The following NEMP1 variants were observed in gnomAD, a reference collection of about 807,000 sequenced individuals.
NEMP1 encodes transmembrane protein 194.
NEMP1 carries 29 observed loss-of-function variants against 53.7 expected under a neutral mutation model. The observed-to-expected ratio is 0.54, with a 90% CI of 0.40 to 0.74. The LOEUF is 0.74. Ranked by LOEUF, NEMP1 falls within the 30% of genes least tolerant of loss-of-function variation. The pLI is 0.00. For synonymous variants in NEMP1, 193 were observed against 192.9 expected (o/e 1.00, Z 0.00); for missense variants, 477 against 528.6 (o/e 0.90, Z 0.96).
At chr12:57,063,079 A>G (rs1432176025) in intron 7 of NEMP1, 40 bp downstream of exon 7, 1 of 1,515,776 alleles carries the variant, frequency 6.6e-7, no homozygotes, top group Non-Finnish European at 9.2e-7. Context: ...GCATCCCACA[A>G]TGTACCTGTC....
chr12:57,071,166 T>C (rs2032328059), intron 2 of NEMP1, among the ~76,000 whole-genome samples: 1 of 152,140 alleles, frequency 6.6e-6, no homozygotes, highest in Non-Finnish European at 1.5e-5. Context: ...AAAAAAGACT[T>C]CCAAACTGAA....
upstream of NEMP1, among the ~76,000 whole-genome samples, chr12:57,081,821 G>A (rs1407476231): frequency 1.3e-5 from 2 of 148,738 alleles, no homozygotes; most frequent in Admixed American, 6.7e-5. Context: ...GCAGGAGAGT[G>A]GTGTGAACCT....
intron 7 of NEMP1, among the ~76,000 whole-genome samples, chr12:57,061,642 G>A (rs561338210): frequency 2.8e-5 from 4 of 140,552 alleles, no homozygotes; most frequent in East Asian, 4.4e-4. Context: ...GCAGTGAGCC[G>A]AGATCATGCC....
chr12:57,066,561 A>C (rs1028801454), intron 4 of NEMP1, among the ~76,000 whole-genome samples: 1 of 152,214 alleles, frequency 6.6e-6, no homozygotes, highest in Non-Finnish European at 1.5e-5. Flanking sequence ...AGGGTTATTA[A>C]TTGGCCTAGT....
chr12:57,076,922 C>A lies in NEMP1; in HGVS notation c.127+1697G>T, dbSNP rs919622854. On this transcript the variant is annotated intron_variant, in intron 1 of 8. Coordinates refer to ENST00000300128, the MANE Select transcript of NEMP1 (RefSeq NM_001130963.2). ...CGAGATTGCACCACTGCACTCCAGCCTGGGCCAGACAGCAAGACTACATTC... is the reference window on the plus strand; with the variant it reads ...CGAGATTGCACCACTGCACTCCAGCATGGGCCAGACAGCAAGACTACATTC... 2.9e-4 allele frequency among the ~76,000 whole-genome samples: 34 copies of A among 118,704 alleles called. 1 individual carries two copies. In the South Asian group the frequency reaches 5.0e-3, roughly 17 times the overall value. The allele number at this position is 118,704 out of a possible 152,430, so 77.9% of individuals were successfully genotyped here. A position where few individuals can be genotyped will look rare whatever the true frequency, so the allele number is the denominator to read the frequency against.
intron 4 of NEMP1, 106 bp from the exon 5 acceptor site, chr12:57,064,845 T>C: frequency 2.5e-6 from 2 of 804,230 alleles, no homozygotes; most frequent in Non-Finnish European, 4.0e-6. Flanking sequence ...AGGTACAAGA[T>C]TAGAGCAGTA....
chr12:57,064,996 T>C (rs2032004771), intron 4 of NEMP1, among the ~76,000 whole-genome samples: 1 of 152,222 alleles, frequency 6.6e-6, no homozygotes, highest in Non-Finnish European at 1.5e-5. Context: ...GTATATTAAG[T>C]GTACAACAGC....
chr12:57,072,946 T>C, intron 1 of NEMP1, 34 bp from the exon 2 acceptor site: 1 of 1,579,910 alleles, frequency 6.3e-7, no homozygotes, highest in South Asian at 1.2e-5. Context: ...GAATTAAACA[T>C]AACAAGCTAA....
At chr12:57,062,122 T>C (rs546978267) in intron 7 of NEMP1, among the ~76,000 whole-genome samples, 2 of 152,270 alleles carry the variant, frequency 1.3e-5, no homozygotes, top group East Asian at 3.9e-4. Flanking sequence ...TGACAAAACA[T>C]GCTATGAATT....
At chr12:57,083,485 A>C (rs1254980257), upstream of NEMP1, among the ~76,000 whole-genome samples, 2 of 152,232 alleles carry the variant, frequency 1.3e-5, no homozygotes, top group Non-Finnish European at 2.9e-5. Flanking sequence ...CTGATGAGTA[A>C]ATGGGGTGGG....
upstream of NEMP1, among the ~76,000 whole-genome samples, chr12:57,083,091 GTATATATACACA>G (rs923652492): frequency 1.3e-5 from 2 of 152,048 alleles, no homozygotes; most frequent in East Asian, 3.9e-4. Context: ...TTATGTGTAG[GTATATATACACA>G]TATATATACA....
upstream of NEMP1, among the ~76,000 whole-genome samples, chr12:57,083,420 A>G (rs2032904604): frequency 2.0e-5 from 3 of 152,228 alleles, no homozygotes; most frequent in African/African-American, 7.2e-5. Context: ...ATGAATATTC[A>G]TTATCTGCAG....
intron 1 of NEMP1, among the ~76,000 whole-genome samples, chr12:57,076,902 T>C (rs1433451765): frequency 1.5e-5 from 2 of 136,534 alleles, no homozygotes; most frequent in African/African-American, 2.8e-5. Context: ...GGAACCGAGA[T>C]TGCACCACTG....
chr12:57,088,564 G>A (rs964845989), upstream of NEMP1, among the ~76,000 whole-genome samples: 1 of 152,220 alleles, frequency 6.6e-6, no homozygotes, highest in African/African-American at 2.4e-5. Flanking sequence ...GGCAACGGGC[G>A]TCCCCGTAGT....
In NEMP1 at chr12:57,057,800, T is replaced by C. The variant is rs148541971; in HGVS notation, c.*2079A>G. The stretch of plus-strand genomic sequence containing the variant: ...TTCACAATTTCACAGTGCTTTCTCA[T>C]TGAAATAAAGACATGATCAGGAAAA... On this transcript the variant is annotated 3_prime_UTR_variant, in exon 9 of 9. Coordinates refer to ENST00000300128, the MANE Select transcript of NEMP1 (RefSeq NM_001130963.2). 2.0e-5 allele frequency: 3 copies of C among 152,308 alleles called. No homozygotes were observed. The highest frequency in any genetic ancestry group is 2.9e-5 in the Non-Finnish European group (2 of 68,022). 9.4% of individuals were successfully genotyped at this position (152,308 alleles called of 1,614,324 possible).
At position 57,056,801 on chromosome 12, in the gene NEMP1, T is replaced by C. The variant is rs1324146950; in HGVS notation, c.*3078A>G. 2 of 152,148 alleles carry C rather than the reference T, an allele frequency of 1.3e-5. No individual in the cohort carries two copies. Among genetic ancestry groups the C allele is most frequent in the African/African-American group, 2.4e-5 (1 of 41,420 alleles). 9.4% of individuals were successfully genotyped at this position (152,148 alleles called of 1,614,324 possible). A position where few individuals can be genotyped will look rare whatever the true frequency, so the allele number is the denominator to read the frequency against. Reference sequence around the variant, plus strand: ...GTTCTTTCATTCACCAAAATTCTATTATACATGCCAAGGGTTAAAGGGAAC... The same window carrying C: ...GTTCTTTCATTCACCAAAATTCTATCATACATGCCAAGGGTTAAAGGGAAC... On this transcript the variant is annotated 3_prime_UTR_variant, in exon 9 of 9. Transcript: ENST00000300128.
At chr12:57,081,854 C>A (rs1191044304), upstream of NEMP1, among the ~76,000 whole-genome samples, 1 of 147,854 alleles carries the variant, frequency 6.8e-6, no homozygotes. Flanking sequence ...TTGCAGTGAG[C>A]TGAGATCGCT....
intron 1 of NEMP1, among the ~76,000 whole-genome samples, chr12:57,075,396 T>C (rs1235764616): frequency 7.1e-6 from 1 of 140,888 alleles, no homozygotes; most frequent in Non-Finnish European, 1.5e-5. Flanking sequence ...TCAATATAAA[T>C]AAATAAATAA....
At chr12:57,073,034 G>T in intron 1 of NEMP1, 122 bp from the exon 2 acceptor site, 2 of 773,986 alleles carry the variant, frequency 2.6e-6, no homozygotes, top group South Asian at 3.3e-5. Flanking sequence ...GCCAGACTGA[G>T]AAATAAGAAA....
Sources: gnomAD v4.1 joint callset for allele counts (sites outside exome capture counted in the v4.1 genomes callset) on GRCh38, gnomAD v4.1.1 for gene constraint, MANE v1.5 for transcripts, NCBI Gene and HGNC (gene_info 2026-07-23, HGNC 2026-07-21) for gene names.